Variants in CNTN3 observed in about 807,000 individuals in gnomAD.
CNTN3 encodes the protein contactin-3.
CNTN3 carries 60 observed loss-of-function variants against 119.1 expected under a neutral mutation model. That is an observed-to-expected ratio of 0.50 (90% CI 0.41 to 0.62). The LOEUF (loss-of-function observed/expected upper bound fraction) is 0.62. Ranked by LOEUF, CNTN3 falls within the 20% of genes least tolerant of loss-of-function variation. The pLI is 0.00. For synonymous variants in CNTN3, 450 were observed against 438.7 expected (o/e 1.03, Z -0.32); for missense variants, 1,101 against 1,242.4 (o/e 0.89, Z 1.71).
At chr3:74,367,113 A>G (rs1422739859) in intron 8 of CNTN3, among the ~76,000 whole-genome samples, 1 of 151,906 alleles carries the variant, frequency 6.6e-6, no homozygotes, top group African/African-American at 2.4e-5. Flanking sequence ...CAAATATTCT[A>G]TAGACTATTT....
intron 1 of CNTN3, among the ~76,000 whole-genome samples, chr3:74,551,297 T>C (rs921422638): frequency 4.6e-5 from 7 of 152,128 alleles, no homozygotes; most frequent in African/African-American, 1.4e-4. Context: ...GATAAAGAGG[T>C]ATAGGGTCAC....
intron 1 of CNTN3, among the ~76,000 whole-genome samples, chr3:74,535,502 A>C (rs557407574): frequency 1.3e-5 from 2 of 152,208 alleles, no homozygotes; most frequent in East Asian, 3.9e-4. Flanking sequence ...ACACAAACTG[A>C]CTGCCTGTAT....
intron 4 of CNTN3, among the ~76,000 whole-genome samples, chr3:74,456,569 T>C (rs1702274471): frequency 6.6e-6 from 1 of 152,052 alleles, no homozygotes; most frequent in Non-Finnish European, 1.5e-5. Flanking sequence ...AAAAAGATCA[T>C]CTGTTCATTT....
At chr3:74,375,144 A>C (rs1029812025) in intron 5 of CNTN3, among the ~76,000 whole-genome samples, 3 of 152,172 alleles carry the variant, frequency 2.0e-5, no homozygotes, top group Non-Finnish European at 2.9e-5. Context: ...TCCTCTACCG[A>C]TTCTCCCAAA....
intron 4 of CNTN3, among the ~76,000 whole-genome samples, chr3:74,426,050 G>T (rs1275142810): frequency 2.0e-5 from 3 of 152,084 alleles, no homozygotes; most frequent in Non-Finnish European, 4.4e-5. Flanking sequence ...TATTTTTAGA[G>T]AACATTTAAT....
At chr3:74,279,228 C>A (rs1701944712) in intron 20 of CNTN3, among the ~76,000 whole-genome samples, 1 of 152,012 alleles carries the variant, frequency 6.6e-6, no homozygotes, top group Non-Finnish European at 1.5e-5. Flanking sequence ...AAAGTAGCAC[C>A]ACTATTTGAT....
chr3:74,544,820 G>C (rs952440520), intron 1 of CNTN3, among the ~76,000 whole-genome samples: 1 of 151,982 alleles, frequency 6.6e-6, no homozygotes, highest in Non-Finnish European at 1.5e-5. Context: ...GGATGGTCAC[G>C]ATCTCCTGAC....
intron 11 of CNTN3, among the ~76,000 whole-genome samples, chr3:74,360,601 A>C (rs1007308252): frequency 6.6e-6 from 1 of 152,184 alleles, no homozygotes; most frequent in Non-Finnish European, 1.5e-5. Context: ...GGAGGTCAGA[A>C]GTTCAGTATA....
chr3:74,298,377 C>G (rs943083029), intron 17 of CNTN3, among the ~76,000 whole-genome samples, 186 bp from the exon 18 acceptor site: 4 of 152,132 alleles, frequency 2.6e-5, no homozygotes, highest in Non-Finnish European at 5.9e-5. Flanking sequence ...TTTAAACAGA[C>G]ATATGTCACC....
At chr3:74,291,123 C>T (rs1057180631) in intron 19 of CNTN3, among the ~76,000 whole-genome samples, 16 of 151,322 alleles carry the variant, frequency 1.1e-4, no homozygotes, top group African/African-American at 3.6e-4. Flanking sequence ...TCGTTCAGTT[C>T]CCACCTGTGA....
At chr3:74,313,559 G>A (rs1272230582) in intron 13 of CNTN3, among the ~76,000 whole-genome samples, 1 of 152,192 alleles carries the variant, frequency 6.6e-6, no homozygotes, top group East Asian at 1.9e-4. Context: ...CTGACATGAG[G>A]CAGTTGATTA....
chr3:74,388,528 T>C (rs1164672137), intron 5 of CNTN3, among the ~76,000 whole-genome samples: 1 of 152,118 alleles, frequency 6.6e-6, no homozygotes, highest in African/African-American at 2.4e-5. Flanking sequence ...AATCCAGTAA[T>C]AGATTTATTT....
chr3:74,296,109 G>A (rs990487312), intron 18 of CNTN3, among the ~76,000 whole-genome samples: 7 of 152,244 alleles, frequency 4.6e-5, no homozygotes, highest in Middle Eastern at 3.4e-3. Flanking sequence ...GAGGTTTGCT[G>A]CATAACTCTC....
intron 3 of CNTN3, among the ~76,000 whole-genome samples, chr3:74,493,733 T>C (rs1398470336): frequency 1.3e-5 from 2 of 152,176 alleles, no homozygotes; most frequent in East Asian, 3.9e-4. Context: ...TTTACTGAAG[T>C]GATGAGAATA....
At chr3:74,532,708 T>C (rs139685374) in intron 1 of CNTN3, among the ~76,000 whole-genome samples, 2 of 152,084 alleles carry the variant, frequency 1.3e-5, no homozygotes, top group African/African-American at 4.8e-5. Flanking sequence ...CGGAATGGAA[T>C]GCAATCTAAA....
intron 13 of CNTN3, among the ~76,000 whole-genome samples, chr3:74,330,735 T>A (rs1345467367): frequency 6.6e-6 from 1 of 152,078 alleles, no homozygotes; most frequent in African/African-American, 2.4e-5. Flanking sequence ...GACCTCCCAG[T>A]GAGACATGCT....
chr3:74,478,244 G>C (rs1702695238), intron 4 of CNTN3, among the ~76,000 whole-genome samples: 1 of 152,082 alleles, frequency 6.6e-6, no homozygotes, highest in Non-Finnish European at 1.5e-5. Flanking sequence ...CTTAGGACTG[G>C]GGGTAGCAGG....
intron 1 of CNTN3, among the ~76,000 whole-genome samples, chr3:74,528,572 A>AT (rs949937597): frequency 6.6e-6 from 1 of 151,784 alleles, no homozygotes; most frequent in Non-Finnish European, 1.5e-5. Context: ...ATCACCCCCC[A>AT]TTTTTCAGAT....
chr3:74,558,982 C>CAATAATAATAATAATAATAATAAT (rs60508507), intron 1 of CNTN3, among the ~76,000 whole-genome samples: 2,333 of 143,040 alleles, frequency 0.016, 32 homozygotes, highest in African/African-American at 0.033. Flanking sequence ...GACCCTGTCT[C>CAATAATAATAATAATAATAATAAT]AATAATAATA....
Sources: allele counts gnomAD v4.1 joint callset (sites outside exome capture counted in the v4.1 genomes callset), GRCh38; gene constraint gnomAD v4.1.1; transcripts MANE v1.5; gene names NCBI Gene and HGNC (gene_info 2026-07-23, HGNC 2026-07-21).